ANK1: variants seen among roughly 807,000 people sequenced by gnomAD.
The protein encoded by ANK1 is ankyrin 1.
Under a neutral mutation model 210.4 loss-of-function variants are expected in ANK1, and 51 were observed. The ratio of observed to expected loss-of-function variants is 0.24; its 90% CI spans 0.19 to 0.31. The LOEUF is 0.31. ANK1 is among the 10% of genes least tolerant of loss of function. The pLI, the probability that ANK1 is intolerant of heterozygous loss-of-function variation, is 1.00. For synonymous variants in ANK1, 967 were observed against 1,025.9 expected (o/e 0.94, Z 1.10); for missense variants, 2,051 against 2,504.4 (o/e 0.82, Z 3.86).
In ANK1 at chr8:41,734,372, A is replaced by G. The variant is rs1463019817; in HGVS notation, c.130-303T>C. Among the ~76,000 whole-genome samples the G allele has an allele frequency of 2.0e-5, 3 of 152,372 alleles. No individual in the cohort carries two copies. The East Asian group carries it at 5.8e-4, about 29-fold the overall frequency. On this transcript the variant is annotated intron_variant, in intron 2 of 42. Coordinates refer to ENST00000289734, the MANE Select transcript of ANK1 (RefSeq NM_000037.4). ...TGACCTTGAAATTCATGTCGAGGCC[A>G]GGCTTTAGGCAGCCCACTTAATTAA...
intron 1 of ANK1, among the ~76,000 whole-genome samples, chr8:41,792,884 T>C (rs1225150458): frequency 6.6e-6 from 1 of 152,244 alleles, no homozygotes; most frequent in African/African-American, 2.4e-5. Context: ...TTACTGTTCA[T>C]TCATGAATGC....
intron 34 of ANK1, 21 bp downstream of exon 34, chr8:41,688,490 A>T (rs369456255): frequency 6.2e-7 from 1 of 1,612,020 alleles, no homozygotes; most frequent in Non-Finnish European, 8.5e-7. Flanking sequence ...GCAAGCATGC[A>T]TCATCACACA....
chr8:41,667,588 G>A (rs1420742719), intron 39 of ANK1, among the ~76,000 whole-genome samples: 3 of 152,096 alleles, frequency 2.0e-5, no homozygotes, highest in Admixed American at 2.0e-4. Flanking sequence ...GGGGAAGGGG[G>A]ATTGAATCGA....
chr8:41,786,253 G>T (rs547847532), intron 1 of ANK1, among the ~76,000 whole-genome samples: 162 of 152,324 alleles, frequency 1.1e-3, no homozygotes, highest in Admixed American at 3.1e-3. Context: ...TCAGAGGGGG[G>T]CTCCCTGTAG....
Position 41,693,846 on chromosome 8 carries a change from C to T in ANK1, c.3532+52G>A, listed in dbSNP as rs562844936. 1.5e-5 allele frequency: 24 copies of T among 1,550,846 alleles called. No homozygotes were observed. In the African/African-American group the frequency reaches 2.5e-4, roughly 16 times the overall value. On this transcript the variant is annotated intron_variant, in intron 29 of 42. Coordinates refer to ENST00000289734, the MANE Select transcript of ANK1 (RefSeq NM_000037.4). ...TCTCGAGTCACCCCCCTACTGTGTTCCAGACGCACTGCAGCAGCCGAGAAC... is the reference window on the plus strand; with the variant it reads ...TCTCGAGTCACCCCCCTACTGTGTTTCAGACGCACTGCAGCAGCCGAGAAC...
chr8:41,800,468 C>G (rs1563804805), upstream of ANK1, among the ~76,000 whole-genome samples: 1 of 152,156 alleles, frequency 6.6e-6, no homozygotes, highest in Non-Finnish European at 1.5e-5. Flanking sequence ...TAATTCAGTT[C>G]ACAGTTAGAC....
intron 1 of ANK1, among the ~76,000 whole-genome samples, chr8:41,873,732 G>A (rs534755331): frequency 1.2e-4 from 19 of 152,344 alleles, no homozygotes; most frequent in African/African-American, 4.3e-4. Context: ...CTGTGGAGTG[G>A]AGCCTGGGCC....
rs1458881140 is a variant in ANK1, at chr8:41,723,112, A to G, written c.909+13T>C. ...TGTCTAGAAAATGCGCCTGACAGGA[A>G]GGAAGTACACACCTTGGTTTTGGCT... is the stretch of plus-strand genomic sequence containing the variant. On this transcript the variant is annotated intron_variant, in intron 9 of 42. Transcript: ENST00000289734. 6.2e-7 allele frequency: 1 copy of G among 1,613,864 alleles called. No homozygotes were observed. Among genetic ancestry groups the G allele is most frequent in the East Asian group, 2.2e-5 (1 of 44,878 alleles).
chr8:41,887,391 C>T (rs1255789438), intron 1 of ANK1, among the ~76,000 whole-genome samples: 1 of 151,810 alleles, frequency 6.6e-6, no homozygotes, highest in Non-Finnish European at 1.5e-5. Context: ...GGTGGGACTA[C>T]AGGCATGCCA....
intron 1 of ANK1, among the ~76,000 whole-genome samples, chr8:41,805,225 GTC>G (rs1850781482): frequency 1.5e-5 from 2 of 131,882 alleles, no homozygotes; most frequent in African/African-American, 6.7e-5. Flanking sequence ...CTCTCTCTCT[GTC>G]TCTCTCTCTT....
At chr8:41,793,668 G>A (rs903598945) in intron 1 of ANK1, among the ~76,000 whole-genome samples, 5 of 152,184 alleles carry the variant, frequency 3.3e-5, no homozygotes, top group African/African-American at 9.7e-5. Flanking sequence ...ACTTACACCC[G>A]AGCTTTCTTG....
chr8:41,816,835 C>A (rs1347003777), intron 1 of ANK1, among the ~76,000 whole-genome samples: 2 of 152,176 alleles, frequency 1.3e-5, no homozygotes, highest in African/African-American at 2.4e-5. Flanking sequence ...ACTTATTTTT[C>A]TTTAAGCCAA....
At chr8:41,812,806 G>T (rs1802694730) in intron 1 of ANK1, among the ~76,000 whole-genome samples, 1 of 152,158 alleles carries the variant, frequency 6.6e-6, no homozygotes, top group Non-Finnish European at 1.5e-5. Context: ...GCGCAACCTA[G>T]ATCCCTCTCA....
chr8:41,883,982 G>C (rs752930074), intron 1 of ANK1, among the ~76,000 whole-genome samples: 1 of 152,152 alleles, frequency 6.6e-6, no homozygotes, highest in Non-Finnish European at 1.5e-5. Flanking sequence ...ATTGTTCTCC[G>C]GCCCAGGGAA....
intron 38 of ANK1, 149 bp downstream of exon 38, chr8:41,672,205 C>T (rs1482106693): frequency 1.2e-6 from 1 of 855,224 alleles, no homozygotes; most frequent in Admixed American, 2.7e-5. Context: ...TTATATATGG[C>T]ATCTGCCAGA....
chr8:41,843,736 C>G (rs923212252), intron 1 of ANK1, among the ~76,000 whole-genome samples: 4 of 152,222 alleles, frequency 2.6e-5, no homozygotes, highest in Admixed American at 1.3e-4. Flanking sequence ...CTCTCTTCTT[C>G]AAGGCGATTT....
intron 1 of ANK1, among the ~76,000 whole-genome samples, chr8:41,891,941 T>C (rs1819529512): frequency 6.6e-6 from 1 of 152,266 alleles, no homozygotes; most frequent in Non-Finnish European, 1.5e-5. Context: ...AAATATCCAT[T>C]AATGCCACAA....
intron 1 of ANK1, among the ~76,000 whole-genome samples, chr8:41,776,525 C>T (rs1007309595): frequency 1.3e-5 from 2 of 152,168 alleles, no homozygotes; most frequent in African/African-American, 4.8e-5. Flanking sequence ...GCTGGTGCTA[C>T]GTCTTCCCGG....
chr8:41,690,868 A>G (rs939671011), intron 31 of ANK1, among the ~76,000 whole-genome samples: 1 of 152,222 alleles, frequency 6.6e-6, no homozygotes, highest in African/African-American at 2.4e-5. Flanking sequence ...GCTATCAAGT[A>G]TTCCAAAACT....
Sources: gnomAD v4.1 joint callset for allele counts (sites outside exome capture counted in the v4.1 genomes callset) on GRCh38, gnomAD v4.1.1 for gene constraint, MANE v1.5 for transcripts, NCBI Gene and HGNC (gene_info 2026-07-23, HGNC 2026-07-21) for gene names.